The following ATP13A3 variants were observed in gnomAD, a reference collection of about 807,000 sequenced individuals.
The protein encoded by ATP13A3 is ATPase 13A3.
Under a neutral mutation model 158.1 loss-of-function variants are expected in ATP13A3, and 59 were observed. The ratio of observed to expected loss-of-function variants is 0.37; its 90% CI spans 0.30 to 0.46. The LOEUF (loss-of-function observed/expected upper bound fraction) is 0.46. Ranked by LOEUF, ATP13A3 falls within the 20% of genes least tolerant of loss-of-function variation. The probability of loss-of-function intolerance (pLI) is 1.00; values close to 1 mark genes in which losing one functional copy is unlikely to be tolerated. For missense variants in ATP13A3, 1,166 were observed against 1,525.2 expected (o/e 0.76, Z 3.92); for synonymous variants, 491 against 504.3 (o/e 0.97, Z 0.35).
chr3:194,493,612 A>G (rs989449715), intron 2 of ATP13A3, among the ~76,000 whole-genome samples: 3 of 152,002 alleles, frequency 2.0e-5, no homozygotes, highest in African/African-American at 7.3e-5. Context: ...ACGCCACTGC[A>G]CTCCAGCCTG....
intron 32 of ATP13A3, 122 bp from the exon 33 acceptor site, chr3:194,412,410 T>C (rs780170931): frequency 1.4e-4 from 103 of 749,198 alleles, no homozygotes; most frequent in South Asian, 3.6e-4. Context: ...GATTTTCATA[T>C]ATGGAATTTC....
chr3:194,494,275 A>C lies in ATP13A3; in HGVS notation n.521T>G. The C allele has an allele frequency of 2.5e-6, 1 of 398,624 alleles. No homozygotes were observed. Among genetic ancestry groups the C allele is most frequent in the African/African-American group, 2.1e-5 (1 of 48,714 alleles). 24.7% of individuals were successfully genotyped at this position (398,624 alleles called of 1,614,324 possible). ...TCACAGCACACAGCGGTAGTCAGAA[A>C]GTATGCTGAGTAAGTGGAGAACAAG... is the stretch of plus-strand genomic sequence containing the variant. On this transcript the variant is annotated non_coding_transcript_exon_variant, in exon 2 of 33. Coordinates refer to the ATP13A3 transcript ENST00000687055. The surrounding 1 kb of genome is among the most constrained non-coding windows in gnomAD (Gnocchi z 4.2).
rs199999752 is a variant in ATP13A3, at chr3:194,405,941, C to A, written c.3749G>T (p.Cys1250Phe). Residue 1250 changes from cysteine to phenylalanine, a missense_variant, in exon 34 of 34, where the codon TGT (cysteine) becomes TTT (phenylalanine). Physicochemically the swap from Cys to Phe is radical, Grantham distance 205. Transcript: ENST00000645319. ...AKALVKENGS[C>F]QIITIT ...CTGCTATGTTATGGTGATGATTTGA[C>A]ATGATCCATTCTCCTTAACTAAAGC... 5 of 1,614,120 alleles carry A rather than the reference C, an allele frequency of 3.1e-6. No homozygotes were observed. The Admixed American group carries it at 8.3e-5, about 27-fold the overall frequency.
intron 4 of ATP13A3, 91 bp from the exon 5 acceptor site, chr3:194,460,062 T>A (rs1255872955): frequency 9.5e-6 from 10 of 1,050,236 alleles, no homozygotes; most frequent in Admixed American, 2.6e-5. Flanking sequence ...CAAGACATTA[T>A]TTCCTCATCT....
At chr3:194,435,201 G>A (rs34899478) in intron 20 of ATP13A3, among the ~76,000 whole-genome samples, 9,212 of 152,170 alleles carry the variant, frequency 0.061, 355 homozygotes, top group Middle Eastern at 0.095. Context: ...TGAAACTGCT[G>A]GTTTTAACAG....
intron 2 of ATP13A3, among the ~76,000 whole-genome samples, chr3:194,465,080 C>A (rs1000450010): frequency 6.6e-6 from 1 of 152,084 alleles, no homozygotes. Context: ...AAAGCAACAA[C>A]AAAATACATA....
At chr3:194,454,444 A>C in intron 8 of ATP13A3, 52 bp from the exon 9 acceptor site, 1 of 1,505,588 alleles carries the variant, frequency 6.6e-7, no homozygotes. Context: ...ATGACCATAC[A>C]GATTGTCCAT....
At chr3:194,492,823 T>G (rs1461149099) in intron 2 of ATP13A3, among the ~76,000 whole-genome samples, 1 of 152,218 alleles carries the variant, frequency 6.6e-6, no homozygotes, top group African/African-American at 2.4e-5. Context: ...CATATTTTTA[T>G]GTATAGTATT....
intron 31 of ATP13A3, 107 bp from the exon 32 acceptor site, chr3:194,413,946 C>G: frequency 1.1e-6 from 1 of 891,194 alleles, no homozygotes; most frequent in Non-Finnish European, 1.8e-6. Flanking sequence ...TACCAAACAC[C>G]TTCATATACA....
chr3:194,454,243 T>C lies in ATP13A3; in HGVS notation c.765+15A>G. On this transcript the variant is annotated intron_variant, in intron 9 of 33. Coordinates refer to ENST00000645319, the MANE Select transcript of ATP13A3 (RefSeq NM_001367549.1). ...ACAAATACAGTTGTGAAACCCATAA[T>C]AAATTTGAACTTACCTTTCTAATGG... 1 of 1,589,136 alleles carries C rather than the reference T, an allele frequency of 6.3e-7. No homozygotes were observed. The highest frequency in any genetic ancestry group is 8.6e-7 in the Non-Finnish European group (1 of 1,162,520).
At chr3:194,420,915 T>C (rs1343093150) in intron 30 of ATP13A3, among the ~76,000 whole-genome samples, 1 of 150,770 alleles carries the variant, frequency 6.6e-6, no homozygotes, top group African/African-American at 2.4e-5. Context: ...AAAAACTTTA[T>C]CATGAAGCCT....
At chr3:194,439,390 T>A (rs896772630) in intron 16 of ATP13A3, among the ~76,000 whole-genome samples, 1 of 152,218 alleles carries the variant, frequency 6.6e-6, no homozygotes, top group African/African-American at 2.4e-5. Flanking sequence ...AGAGCTCAGA[T>A]ATGGTTAGCA....
intron 2 of ATP13A3, among the ~76,000 whole-genome samples, chr3:194,479,193 A>G (rs1298248618): frequency 2.6e-5 from 4 of 152,234 alleles, no homozygotes; most frequent in Non-Finnish European, 2.9e-5. Flanking sequence ...ACCATGGGTT[A>G]GCTTAAAATT....
chr3:194,430,496 C>T (rs984933678), intron 24 of ATP13A3, among the ~76,000 whole-genome samples, 181 bp from the exon 25 acceptor site: 8 of 152,152 alleles, frequency 5.3e-5, no homozygotes, highest in African/African-American at 1.9e-4. Context: ...AGCACCAGAC[C>T]ACAAGTGAAA....
At position 194,448,222 on chromosome 3, in the gene ATP13A3, C is replaced by T. The variant is rs1187852021; in HGVS notation, c.1151-213G>A. Among the ~76,000 whole-genome samples, 2 of 151,984 alleles carry T rather than the reference C, an allele frequency of 1.3e-5. No homozygotes were observed. The highest frequency in any genetic ancestry group is 4.8e-5 in the African/African-American group (2 of 41,370). ...CCTCCCGAGTAGCTGGGACTGCAGG[C>T]GCCCGCCACCAGGCCCGGCTAATTT... On this transcript the variant is annotated intron_variant, in intron 12 of 33. Transcript: ENST00000645319. The surrounding 1 kb of genome is among the most constrained non-coding windows in gnomAD (Gnocchi z 4.0).
rs369623988 is a variant in ATP13A3 at position 194,432,092 on chromosome 3, G to A, written c.2246-200C>T. ...AAGAAGCCTCAAATAACGCAAGCACGTTATATGCTAAAGAAAACATCTCAC... is the reference window on the plus strand; with the variant it reads ...AAGAAGCCTCAAATAACGCAAGCACATTATATGCTAAAGAAAACATCTCAC... On this transcript the variant is annotated intron_variant, in intron 21 of 33. Transcript: ENST00000645319. 5.3e-4 allele frequency: 244 copies of A among 464,092 alleles called. 5 individuals are homozygous for A. The highest frequency in any genetic ancestry group is 4.5e-3 in the East Asian group (128 of 28,546). 28.7% of individuals were successfully genotyped at this position (464,092 alleles called of 1,614,324 possible).
chr3:194,420,165 C>T (rs1716190282), intron 30 of ATP13A3, 198 bp from the exon 31 acceptor site: 2 of 376,264 alleles, frequency 5.3e-6, no homozygotes, highest in Non-Finnish European at 8.8e-6. Context: ...TTCACATACA[C>T]AACGTGATGT....
chr3:194,480,865 CTCAG>C (rs1351082274), intron 2 of ATP13A3, among the ~76,000 whole-genome samples: 1 of 152,188 alleles, frequency 6.6e-6, no homozygotes, highest in Admixed American at 6.5e-5. Flanking sequence ...ATCCGCTATG[CTCAG>C]TCAATCTAAG....
intron 2 of ATP13A3, among the ~76,000 whole-genome samples, chr3:194,483,191 G>A (rs762804523): frequency 1.3e-5 from 2 of 151,938 alleles, no homozygotes; most frequent in Non-Finnish European, 2.9e-5. Context: ...TGCTGAGGCA[G>A]GAAGGTCGCC....
Sources: gnomAD v4.1 joint callset for allele counts (sites outside exome capture counted in the v4.1 genomes callset) on GRCh38, gnomAD v4.1.1 for gene constraint, Gnocchi (gnomAD v3.1) non-coding constraint, MANE v1.5 for transcripts, NCBI Gene and HGNC (gene_info 2026-07-23, HGNC 2026-07-21) for gene names.